The following PAFAH2 variants were observed in gnomAD, a reference collection of about 807,000 sequenced individuals.
PAFAH2 encodes platelet-activating factor acetylhydrolase 2, cytoplasmic.
Under a neutral mutation model 49.0 loss-of-function variants are expected in PAFAH2, and 42 were observed. The ratio of observed to expected loss-of-function variants is 0.86; its 90% CI spans 0.67 to 1.11. The LOEUF is 1.11. PAFAH2 is among the 50% of genes least tolerant of loss of function. The probability of loss-of-function intolerance (pLI) is 0.00; values close to 1 mark genes in which losing one functional copy is unlikely to be tolerated. For synonymous variants in PAFAH2, 184 were observed against 181.3 expected (o/e 1.01, Z -0.12); for missense variants, 503 against 501.8 (o/e 1.00, Z -0.02).
chr1:25,979,508 A>G (rs957522177), intron 7 of PAFAH2, among the ~76,000 whole-genome samples: 10 of 151,690 alleles, frequency 6.6e-5, no homozygotes, highest in Non-Finnish European at 1.5e-4. Flanking sequence ...TTTTTTTGAG[A>G]TGGAGTTTTG....
intron 1 of PAFAH2, among the ~76,000 whole-genome samples, chr1:25,993,988 C>T (rs370987470): frequency 6.8e-4 from 103 of 152,098 alleles, no homozygotes; most frequent in African/African-American, 2.3e-3. Context: ...AGAAACAACG[C>T]AAGGTGAGAA....
chr1:25,979,057 G>C (rs189206886), intron 7 of PAFAH2, among the ~76,000 whole-genome samples: 16 of 152,260 alleles, frequency 1.1e-4, no homozygotes, highest in African/African-American at 3.9e-4. Context: ...GAAATTACTG[G>C]GTCAAAGAAA....
chr1:25,989,730 T>C, intron 2 of PAFAH2, 129 bp from the exon 3 acceptor site: 1 of 616,172 alleles, frequency 1.6e-6, no homozygotes, highest in South Asian at 4.8e-5. Context: ...AAGTTTCAAT[T>C]AGCATGCCTG....
chr1:25,989,807 T>C (rs898750280), intron 2 of PAFAH2, among the ~76,000 whole-genome samples: 5 of 152,256 alleles, frequency 3.3e-5, no homozygotes, highest in Non-Finnish European at 5.9e-5. Flanking sequence ...GCTTACGTTA[T>C]TTCAAATAGC....
intron 3 of PAFAH2, among the ~76,000 whole-genome samples, 158 bp downstream of exon 3, chr1:25,989,290 T>C (rs1338639496): frequency 6.6e-6 from 1 of 152,166 alleles, no homozygotes; most frequent in Non-Finnish European, 1.5e-5. Context: ...CTCTTTCATA[T>C]GTAATTCTCT....
intron 10 of PAFAH2, among the ~76,000 whole-genome samples, chr1:25,966,533 C>T (rs553090657): frequency 1.3e-5 from 2 of 152,158 alleles, no homozygotes; most frequent in South Asian, 2.1e-4. Context: ...GAATGCTGTA[C>T]CGAATGCTGT....
At chr1:25,971,798 C>T (rs187583306) in intron 10 of PAFAH2, among the ~76,000 whole-genome samples, 6 of 152,310 alleles carry the variant, frequency 3.9e-5, no homozygotes, top group Admixed American at 3.9e-4. Context: ...CTCTGCAGGC[C>T]TCGCCCTTTA....
At chr1:25,984,112 G>A (rs1280283838) in intron 5 of PAFAH2, 25 bp from the exon 6 acceptor site, 26 of 1,612,806 alleles carry the variant, frequency 1.6e-5, no homozygotes, top group African/African-American at 6.7e-5. Flanking sequence ...TCATCAGAGA[G>A]AAACCAGAAA....
At chr1:25,981,490 G>A (rs1003631868) in intron 7 of PAFAH2, among the ~76,000 whole-genome samples, 1 of 152,136 alleles carries the variant, frequency 6.6e-6, no homozygotes, top group Non-Finnish European at 1.5e-5. Context: ...AGGAAGGACT[G>A]AGCCTGCAGT....
intron 7 of PAFAH2, among the ~76,000 whole-genome samples, chr1:25,980,803 G>A (rs2049675935): frequency 1.3e-5 from 2 of 151,616 alleles, no homozygotes; most frequent in African/African-American, 4.8e-5. Flanking sequence ...GGACTGCCTG[G>A]GCCCAAGAGT....
intron 6 of PAFAH2, among the ~76,000 whole-genome samples, chr1:25,983,576 A>C (rs2049728869): frequency 6.8e-6 from 1 of 147,658 alleles, no homozygotes; most frequent in Non-Finnish European, 1.5e-5. Flanking sequence ...AAAAAAAACA[A>C]CTTATGGTTC....
intron 10 of PAFAH2, among the ~76,000 whole-genome samples, chr1:25,968,923 C>T (rs184469770): frequency 9.9e-5 from 15 of 152,170 alleles, no homozygotes; most frequent in African/African-American, 2.9e-4. Flanking sequence ...TCTTATCACT[C>T]GGATTACTGC....
Position 25,982,425 on chromosome 1 carries a change from A to C in PAFAH2, c.605T>G (p.Val202Gly). 2 of 1,614,054 alleles carry C rather than the reference A, an allele frequency of 1.2e-6. No homozygotes were observed. Residue 202 changes from valine (V) to glycine (G), a missense_variant, in exon 7 of 11, where the codon GTC (valine) becomes GGC (glycine). Val to Gly is a moderately radical substitution (Grantham distance 109). Coordinates refer to ENST00000374282, the MANE Select transcript of PAFAH2 (RefSeq NM_000437.4). ...GTTGAAGACAGTCTGCCCAGCAGTG[A>C]CCTCTTGCAGGATCTTCAACACCCG... ...CLRVLKILQE[V>G]TAGQTVFNIL...
intron 1 of PAFAH2, among the ~76,000 whole-genome samples, chr1:25,996,302 C>G (rs1463433137): frequency 6.6e-6 from 1 of 152,090 alleles, no homozygotes; most frequent in Non-Finnish European, 1.5e-5. Flanking sequence ...GAGCCGGAGG[C>G]CACAGTGAAC....
At chr1:25,986,772 C>T (rs1417660887) in intron 4 of PAFAH2, among the ~76,000 whole-genome samples, 2 of 152,024 alleles carry the variant, frequency 1.3e-5, no homozygotes, top group African/African-American at 4.8e-5. Context: ...CTCAGGTGAT[C>T]CACCCACCTC....
rs754798416 is a variant in PAFAH2 at position 25,974,500 on chromosome 1, C to T, written c.909G>A (p.Gln303=). ...LMKKICAQHE[Q]SRIITVLGSV... is the part of the protein sequence containing the mutation. The stretch of plus-strand genomic sequence containing the variant: ...CTCACAGAACGGTTATGATCCTAGA[C>T]TGTTCATGCTGGGCACATATCTTCT... Residue 303 remains glutamine, a synonymous_variant, in exon 9 of 11, where the codon CAG becomes CAA. Coordinates refer to ENST00000374282, the MANE Select transcript of PAFAH2 (RefSeq NM_000437.4). 6.2e-7 allele frequency: 1 copy of T among 1,613,466 alleles called. No homozygotes were observed. Among genetic ancestry groups the T allele is most frequent in the Non-Finnish European group, 8.5e-7 (1 of 1,179,644 alleles).
intron 2 of PAFAH2, 98 bp downstream of exon 2, chr1:25,990,629 T>C: frequency 2.0e-6 from 2 of 996,110 alleles, no homozygotes; most frequent in Non-Finnish European, 3.1e-6. Flanking sequence ...CTAATTCATT[T>C]TCCCCACCGT....
chr1:25,967,039 A>AG (rs1201119967), intron 10 of PAFAH2, among the ~76,000 whole-genome samples: 2 of 151,360 alleles, frequency 1.3e-5, no homozygotes, highest in Non-Finnish European at 3.0e-5. Context: ...CTCAAAAAAA[A>AG]AAAAAAAAAA....
intron 4 of PAFAH2, 143 bp from the exon 5 acceptor site, chr1:25,984,671 G>C: frequency 1.6e-6 from 1 of 632,602 alleles, no homozygotes. Context: ...CCTTTCACTT[G>C]AGAGAGAAAT....
Sources: allele counts gnomAD v4.1 joint callset (sites outside exome capture counted in the v4.1 genomes callset), GRCh38; gene constraint gnomAD v4.1.1; transcripts MANE v1.5; gene names NCBI Gene and HGNC (gene_info 2026-07-23, HGNC 2026-07-21).